The following AKAP13 variants were observed in gnomAD, a reference collection of about 807,000 sequenced individuals.
The protein encoded by AKAP13 is A-kinase anchor protein 13.
In AKAP13, 80 loss-of-function variants were observed where a neutral mutation model predicts 264.5. The ratio of observed to expected loss-of-function variants is 0.30; its 90% CI spans 0.25 to 0.36. The LOEUF (loss-of-function observed/expected upper bound fraction) is 0.36. AKAP13 is among the 10% of genes least tolerant of loss of function. The pLI is 1.00. For synonymous variants in AKAP13, 1,380 were observed against 1,250.2 expected, an observed-to-expected ratio of 1.10 and a Z score of -2.19; for missense variants, 3,712 against 3,435.2, an observed-to-expected ratio of 1.08 and a Z score of -2.01.
chr15:85,652,023 TAAAAA>T (rs1450340910), intron 10 of AKAP13, among the ~76,000 whole-genome samples: 2 of 152,222 alleles, frequency 1.3e-5, no homozygotes, highest in Non-Finnish European at 2.9e-5. Flanking sequence ...CATACTGCAG[TAAAAA>T]TAATGAGTAT....
intron 10 of AKAP13, among the ~76,000 whole-genome samples, chr15:85,647,033 G>C (rs7178477): frequency 1.7e-3 from 261 of 152,270 alleles, no homozygotes; most frequent in Middle Eastern, 6.8e-3. Flanking sequence ...TAATGAGCTC[G>C]GAGAAGTGGT....
intron 14 of AKAP13, among the ~76,000 whole-genome samples, chr15:85,673,676 T>TTTC (rs2084048358): frequency 8.3e-6 from 1 of 120,214 alleles, no homozygotes; most frequent in Non-Finnish European, 1.7e-5. Flanking sequence ...CTTTTTTTTT[T>TTTC]TTTTTTTTTT....
intron 8 of AKAP13, among the ~76,000 whole-genome samples, chr15:85,633,535 CTTTTTTTTTTTT>C (rs56687591): frequency 9.2e-4 from 90 of 97,768 alleles, no homozygotes; most frequent in African/African-American, 3.0e-3. Context: ...CTTTTTTTTT[CTTTTTTTTTTTT>C]TTTTTTTTTT....
intron 5 of AKAP13, among the ~76,000 whole-genome samples, chr15:85,569,024 G>A (rs568862170): frequency 6.6e-6 from 1 of 152,188 alleles, no homozygotes; most frequent in Admixed American, 6.5e-5. Context: ...TTGCAAACAC[G>A]AAGTCAACAT....
intron 2 of AKAP13, among the ~76,000 whole-genome samples, chr15:85,521,129 T>G (rs2076808205): frequency 1.3e-5 from 2 of 152,238 alleles, no homozygotes; most frequent in Admixed American, 1.3e-4. Context: ...TTTTAACCCA[T>G]TCATCAAGTA....
intron 17 of AKAP13, among the ~76,000 whole-genome samples, chr15:85,698,243 G>A (rs145358435): frequency 5.0e-4 from 75 of 150,804 alleles, no homozygotes; most frequent in African/African-American, 1.7e-3. Context: ...TGAGGCTGGC[G>A]GATCACTTGA....
chr15:85,576,659 A>G (rs1012414160), intron 6 of AKAP13, among the ~76,000 whole-genome samples: 1 of 152,224 alleles, frequency 6.6e-6, no homozygotes, highest in African/African-American at 2.4e-5. Context: ...GGGAGCATGC[A>G]TTATTTGAGA....
intron 1 of AKAP13, among the ~76,000 whole-genome samples, chr15:85,409,473 A>G (rs548421668): frequency 6.6e-5 from 10 of 150,456 alleles, no homozygotes; most frequent in African/African-American, 2.2e-4. Flanking sequence ...CCACCCTATC[A>G]GGTCCATTAC....
intron 2 of AKAP13, among the ~76,000 whole-genome samples, chr15:85,503,935 C>T (rs2076110884): frequency 6.6e-6 from 1 of 151,922 alleles, no homozygotes; most frequent in South Asian, 2.1e-4. Flanking sequence ...CTGGAGGGGT[C>T]AGTGAGGGCT....
At chr15:85,722,371 C>T in intron 25 of AKAP13, 24 bp downstream of exon 25, 1 of 1,579,446 alleles carries the variant, frequency 6.3e-7, no homozygotes, top group South Asian at 1.2e-5. Context: ...CTAACTCGGT[C>T]TTGTATGGTC....
chr15:85,677,128 T>TGA (rs1183699550), intron 14 of AKAP13: 2 of 985,370 alleles, frequency 2.0e-6, no homozygotes, highest in Non-Finnish European at 1.2e-6. Context: ...GTCCAGTGAC[T>TGA]GTTCTTGAAG....
intron 5 of AKAP13, among the ~76,000 whole-genome samples, chr15:85,568,484 G>A (rs770370429): frequency 6.6e-6 from 1 of 152,152 alleles, no homozygotes; most frequent in Non-Finnish European, 1.5e-5. Context: ...CAGTTTGGCT[G>A]CAGAATGGGG....
chr15:85,456,540 C>G (rs1393259779), intron 1 of AKAP13, among the ~76,000 whole-genome samples: 2 of 142,666 alleles, frequency 1.4e-5, no homozygotes, highest in Admixed American at 1.5e-4. Context: ...CCCAGAGTAG[C>G]CCACTTTCTG....
chr15:85,538,531 C>G (rs1331827316), intron 4 of AKAP13, among the ~76,000 whole-genome samples: 1 of 150,642 alleles, frequency 6.6e-6, no homozygotes, highest in Non-Finnish European at 1.5e-5. Flanking sequence ...GCTCTGTCGC[C>G]CAGGCTGGAG....
At chr15:85,548,722 G>C (rs2077845596) in intron 5 of AKAP13, among the ~76,000 whole-genome samples, 1 of 152,106 alleles carries the variant, frequency 6.6e-6, no homozygotes, top group African/African-American at 2.4e-5. Context: ...TCAAATTCCA[G>C]TTGATCGGTC....
intron 8 of AKAP13, among the ~76,000 whole-genome samples, chr15:85,633,699 A>G (rs1227936123): frequency 6.6e-6 from 1 of 151,188 alleles, no homozygotes; most frequent in Non-Finnish European, 1.5e-5. Flanking sequence ...GCCCGCCACC[A>G]CGCCTGGCTA....
Position 85,678,843 on chromosome 15 carries a change from T to C in AKAP13, c.5102-3315T>C, listed in dbSNP as rs192751132. 4.7e-3 allele frequency among the ~76,000 whole-genome samples: 719 copies of C among 151,868 alleles called. 6 individuals are homozygous for C. Among genetic ancestry groups the C allele is most frequent in the Non-Finnish European group, 7.0e-3 (479 of 67,974 alleles). On this transcript the variant is annotated intron_variant, in intron 14 of 36. Transcript: ENST00000394518. ...GAGATCATGCCACTACACTCTAGCCTGAGTGACAGAGTGAGATCACTTCAT... is the reference window on the plus strand; with the variant it reads ...GAGATCATGCCACTACACTCTAGCCCGAGTGACAGAGTGAGATCACTTCAT...
chr15:85,602,280 A>G (rs1027446617), intron 8 of AKAP13, among the ~76,000 whole-genome samples: 15 of 151,914 alleles, frequency 9.9e-5, no homozygotes, highest in African/African-American at 3.6e-4. Flanking sequence ...GGTTCAAGGC[A>G]TTCTTGTGCC....
chr15:85,557,683 C>T (rs1217790194), intron 5 of AKAP13, among the ~76,000 whole-genome samples: 1 of 151,956 alleles, frequency 6.6e-6, no homozygotes, highest in Non-Finnish European at 1.5e-5. Flanking sequence ...TGTATGTTGC[C>T]CAGGCTGATC....
Sources: allele counts gnomAD v4.1 joint callset (sites outside exome capture counted in the v4.1 genomes callset), GRCh38; gene constraint gnomAD v4.1.1; transcripts MANE v1.5; gene names NCBI Gene and HGNC (gene_info 2026-07-23, HGNC 2026-07-21).